The following FHIT variants were observed in gnomAD, a reference collection of about 807,000 sequenced individuals.
The protein encoded by FHIT is bis(5'-adenosyl)-triphosphatase.
A neutral mutation model predicts 17.9 loss-of-function variants in FHIT; 19 were observed. The observed-to-expected ratio is 1.06, with a 90% CI of 0.74 to 1.56. FHIT has a LOEUF of 1.56. FHIT is among the 40% of genes most tolerant of loss of function. The pLI, the probability that FHIT is intolerant of heterozygous loss-of-function variation, is 0.00. For missense variants in FHIT, 248 were observed against 189.2 expected, an observed-to-expected ratio of 1.31 and a Z score of -1.82; for synonymous variants, 81 against 69.7, an observed-to-expected ratio of 1.16 and a Z score of -0.81.
At chr3:60,130,805 ATATG>A (rs1699526393) in intron 5 of FHIT, among the ~76,000 whole-genome samples, 3 of 137,086 alleles carry the variant, frequency 2.2e-5, no homozygotes, top group African/African-American at 5.8e-5. Context: ...ACACACATAT[ATATG>A]TGTGTATGTG....
At chr3:60,861,705 G>T (rs1703905269) in intron 3 of FHIT, among the ~76,000 whole-genome samples, 1 of 151,966 alleles carries the variant, frequency 6.6e-6, no homozygotes, top group East Asian at 1.9e-4. Flanking sequence ...AGAAAAAAGT[G>T]AAATGACACT....
intron 8 of FHIT, among the ~76,000 whole-genome samples, chr3:59,798,225 G>A (rs537059769): frequency 3.4e-4 from 52 of 152,252 alleles, no homozygotes; most frequent in African/African-American, 1.2e-3. Flanking sequence ...AGCAGAAGGG[G>A]TTGCACCTAC....
chr3:59,775,615 T>TA (rs1268704919), intron 8 of FHIT, among the ~76,000 whole-genome samples: 1 of 152,228 alleles, frequency 6.6e-6, no homozygotes, highest in East Asian at 1.9e-4. Context: ...CAAAGATCCT[T>TA]AGCTCTTTTC....
chr3:60,802,835 C>T (rs1472583628), intron 4 of FHIT, among the ~76,000 whole-genome samples: 1 of 151,988 alleles, frequency 6.6e-6, no homozygotes, highest in African/African-American at 2.4e-5. Flanking sequence ...TCTTGTTTCC[C>T]AGCAATCTAT....
intron 5 of FHIT, among the ~76,000 whole-genome samples, chr3:60,401,812 C>T (rs1169453255): frequency 6.6e-6 from 1 of 152,138 alleles, no homozygotes; most frequent in African/African-American, 2.4e-5. Flanking sequence ...GAGTAAATTT[C>T]AAATGAGTCT....
chr3:60,892,174 C>G (rs911570824), intron 3 of FHIT, among the ~76,000 whole-genome samples: 2 of 152,176 alleles, frequency 1.3e-5, no homozygotes, highest in African/African-American at 2.4e-5. Flanking sequence ...GAAATTTCAT[C>G]CTTCCAGGTT....
intron 3 of FHIT, among the ~76,000 whole-genome samples, chr3:60,839,025 G>A (rs76487255): frequency 0.025 from 3,852 of 152,106 alleles, 162 homozygotes; most frequent in African/African-American, 0.086. Flanking sequence ...CTGAATGCCT[G>A]GCTGAGGTAT....
chr3:60,355,750 A>T (rs1315156434), intron 5 of FHIT, among the ~76,000 whole-genome samples: 1 of 152,212 alleles, frequency 6.6e-6, no homozygotes, highest in Non-Finnish European at 1.5e-5. Flanking sequence ...CTTGACAAAT[A>T]GATGACAAAT....
intron 4 of FHIT, among the ~76,000 whole-genome samples, chr3:60,647,903 G>C (rs376457021): frequency 6.6e-6 from 1 of 152,142 alleles, no homozygotes; most frequent in South Asian, 2.1e-4. Flanking sequence ...TGGCTTAACA[G>C]CAAATATTAT....
intron 2 of FHIT, among the ~76,000 whole-genome samples, chr3:61,154,401 A>G (rs181210966): frequency 4.0e-5 from 6 of 151,654 alleles, no homozygotes; most frequent in Non-Finnish European, 7.4e-5. Context: ...GAAAGGGGGG[A>G]AAAACCCCTC....
At chr3:59,945,648 T>G (rs1345228930) in intron 7 of FHIT, among the ~76,000 whole-genome samples, 2 of 152,136 alleles carry the variant, frequency 1.3e-5, no homozygotes, top group Middle Eastern at 3.2e-3. Flanking sequence ...GTTTTTACAT[T>G]TAAGTCTTCA....
At chr3:59,922,754 A>G (rs1327423373) in intron 7 of FHIT, among the ~76,000 whole-genome samples, 1 of 152,190 alleles carries the variant, frequency 6.6e-6, no homozygotes, top group Non-Finnish European at 1.5e-5. Flanking sequence ...CATGACTCTG[A>G]AACTGACAAG....
At chr3:60,156,629 G>C (rs1347656462) in intron 5 of FHIT, among the ~76,000 whole-genome samples, 1 of 152,034 alleles carries the variant, frequency 6.6e-6, no homozygotes, top group Non-Finnish European at 1.5e-5. Context: ...GTGAGCACCT[G>C]TAGTCCCATC....
chr3:60,435,295 C>T (rs115932871), intron 5 of FHIT, among the ~76,000 whole-genome samples: 62 of 152,206 alleles, frequency 4.1e-4, no homozygotes, highest in African/African-American at 1.5e-3. Context: ...GGGAGTCTAA[C>T]TTTTAAATGA....
chr3:60,193,247 A>T (rs1702483126), intron 5 of FHIT, among the ~76,000 whole-genome samples: 1 of 152,172 alleles, frequency 6.6e-6, no homozygotes, highest in African/African-American at 2.4e-5. Context: ...TTGCAGCAAC[A>T]CTGCTGCTGA....
At chr3:59,850,997 A>T (rs936578651) in intron 8 of FHIT, among the ~76,000 whole-genome samples, 1 of 152,196 alleles carries the variant, frequency 6.6e-6, no homozygotes, top group Non-Finnish European at 1.5e-5. Context: ...CATTGTTCAC[A>T]AGGGGTTGGT....
In FHIT at chr3:60,341,265, G is replaced by A. The variant is rs115452257; in HGVS notation, c.103+195595C>T. 7.9e-5 allele frequency among the ~76,000 whole-genome samples: 12 copies of A among 152,184 alleles called. No individual in the cohort carries two copies. The South Asian group carries it at 8.3e-4, about 11-fold the overall frequency. On this transcript the variant is annotated intron_variant, in intron 5 of 9. Coordinates refer to ENST00000492590, the MANE Select transcript of FHIT (RefSeq NM_002012.4). ...AGGTATACCTATATTAAGCCTCATC[G>A]TTGCATGTATTATTTTGTAATAATA...
At chr3:61,139,014 G>A (rs2036997034) in intron 2 of FHIT, among the ~76,000 whole-genome samples, 1 of 150,128 alleles carries the variant, frequency 6.7e-6, no homozygotes, top group South Asian at 2.1e-4. Flanking sequence ...AGCCCCGTAT[G>A]CAACTCTATA....
At chr3:60,203,376 G>A (rs1703008012) in intron 5 of FHIT, among the ~76,000 whole-genome samples, 1 of 152,126 alleles carries the variant, frequency 6.6e-6, no homozygotes, top group East Asian at 1.9e-4. Context: ...AAAAATATTT[G>A]TATGATAATA....
Sources: gnomAD v4.1 joint callset for allele counts (sites outside exome capture counted in the v4.1 genomes callset) on GRCh38, gnomAD v4.1.1 for gene constraint, MANE v1.5 for transcripts, NCBI Gene and HGNC (gene_info 2026-07-23, HGNC 2026-07-21) for gene names.